Variants in PPP1R9A observed in about 807,000 individuals in gnomAD.
PPP1R9A encodes the protein protein phosphatase 1 regulatory subunit 9A.
A neutral mutation model predicts 141.9 loss-of-function variants in PPP1R9A; 59 were observed. The observed-to-expected ratio is 0.42, with a 90% CI of 0.34 to 0.52. PPP1R9A has a LOEUF of 0.52. Among genes scored for constraint, PPP1R9A ranks in the 20% least tolerant of loss-of-function variants. The probability of loss-of-function intolerance (pLI) is 0.10; values close to 1 mark genes in which losing one functional copy is unlikely to be tolerated. For synonymous variants in PPP1R9A, 500 were observed against 569.7 expected, an observed-to-expected ratio of 0.88 and a Z score of 1.74; for missense variants, 1,444 against 1,611.9, an observed-to-expected ratio of 0.90 and a Z score of 1.78.
intron 9 of PPP1R9A, among the ~76,000 whole-genome samples, chr7:95,248,829 T>TTGG (rs1159372413): frequency 6.6e-6 from 1 of 152,212 alleles, no homozygotes; most frequent in Admixed American, 6.5e-5. Flanking sequence ...GACATTGTTT[T>TTGG]GGATGCTTTC....
At chr7:94,995,605 A>G (rs568416136) in intron 2 of PPP1R9A, among the ~76,000 whole-genome samples, 1 of 151,920 alleles carries the variant, frequency 6.6e-6, no homozygotes, top group African/African-American at 2.4e-5. Context: ...CTTATTCAGC[A>G]TATTTTTTAT....
At chr7:95,116,166 A>G (rs961733535) in intron 3 of PPP1R9A, among the ~76,000 whole-genome samples, 5 of 152,164 alleles carry the variant, frequency 3.3e-5, no homozygotes, top group Admixed American at 6.5e-5. Context: ...ATAAATTTAC[A>G]ATACCTACAG....
intron 19 of PPP1R9A, 117 bp from the exon 20 acceptor site, chr7:95,289,974 C>T (rs1806104557): frequency 6.8e-7 from 1 of 1,466,610 alleles, no homozygotes; most frequent in African/African-American, 1.4e-5. Flanking sequence ...AGTTCTTCCT[C>T]TGTTCTTACC....
chr7:95,273,923 T>G lies in PPP1R9A; in HGVS notation c.3149T>G (p.Leu1050Arg). 1 of 1,504,664 alleles carries G rather than the reference T, an allele frequency of 6.6e-7. No homozygotes were observed. The highest frequency in any genetic ancestry group is 9.1e-7 in the Non-Finnish European group (1 of 1,095,092). The allele number at this position is 1,504,664 out of a possible 1,614,324, so 93.2% of individuals were successfully genotyped here. The part of the protein sequence containing the change: ...EKDDAKDPKS[L>R]RASSSLAVQG... ...GATGATGCCAAAGATCCCAAATCACTAAGGGCATCCAGTTCATTGGCGGTG... is the reference window on the plus strand; with the variant it reads ...GATGATGCCAAAGATCCCAAATCACGAAGGGCATCCAGTTCATTGGCGGTG... The change falls in exon 15 of 20, where the codon CTA becomes CGA. Residue 1050 changes from leucine (L) to arginine (R), a missense_variant. Around this residue, in one of 5 missense-constraint regions of PPP1R9A, gnomAD observed 459 missense variants for 513.8 expected, o/e 0.89. Coordinates refer to ENST00000433360, the MANE Select transcript of PPP1R9A (RefSeq NM_001166160.2).
intron 18 of PPP1R9A, chr7:95,287,010 G>A: frequency 7.8e-7 from 1 of 1,280,156 alleles, no homozygotes; most frequent in Non-Finnish European, 1.1e-6. Flanking sequence ...CTTCAAGCTT[G>A]GTGCAATTTT....
chr7:95,135,254 T>C (rs554881193), intron 4 of PPP1R9A, among the ~76,000 whole-genome samples: 40 of 152,352 alleles, frequency 2.6e-4, no homozygotes, highest in Middle Eastern at 6.8e-3. Flanking sequence ...TCATGTCTTA[T>C]TTAAATTTGT....
intron 8 of PPP1R9A, among the ~76,000 whole-genome samples, chr7:95,241,204 T>C (rs1009051119): frequency 6.6e-6 from 1 of 152,164 alleles, no homozygotes; most frequent in Non-Finnish European, 1.5e-5. Flanking sequence ...TCTATATAGG[T>C]CTGCAGCTGA....
intron 2 of PPP1R9A, among the ~76,000 whole-genome samples, chr7:95,010,240 A>G (rs1385575888): frequency 1.3e-5 from 2 of 152,032 alleles, no homozygotes; most frequent in Admixed American, 1.3e-4. Context: ...AATAATGATA[A>G]TAATAATAAT....
chr7:94,911,207 C>G lies in PPP1R9A; in HGVS notation c.1094C>G (p.Ala365Gly), dbSNP rs759730650. The G allele has an allele frequency of 5.0e-6, 8 of 1,614,052 alleles. No homozygotes were observed. Among genetic ancestry groups the G allele is most frequent in the Non-Finnish European group, 6.8e-6 (8 of 1,180,044 alleles). ...EAAKQQRKEL[A>G]GGDFTSPDAS... is the part of the protein sequence containing the mutation. ...GCAAAGCAACAGAGGAAAGAACTTG[C>G]AGGTGGTGATTTCACCTCTCCTGAT... Residue 365 changes from alanine (A) to glycine (G), a missense_variant, in exon 2 of 20, where the codon GCA (alanine) becomes GGA (glycine). Coordinates refer to ENST00000433360, the MANE Select transcript of PPP1R9A (RefSeq NM_001166160.2).
At chr7:94,989,770 A>T (rs541093969) in intron 2 of PPP1R9A, among the ~76,000 whole-genome samples, 32 of 152,252 alleles carry the variant, frequency 2.1e-4, no homozygotes, top group Admixed American at 9.8e-4. Flanking sequence ...TTCTTATACA[A>T]CTTATTTCTT....
At chr7:94,971,701 C>T (rs1252690910) in intron 2 of PPP1R9A, among the ~76,000 whole-genome samples, 1 of 152,086 alleles carries the variant, frequency 6.6e-6, no homozygotes, top group East Asian at 1.9e-4. Context: ...GAGAAGCAAA[C>T]AAAGCAATAA....
intron 2 of PPP1R9A, among the ~76,000 whole-genome samples, chr7:94,984,090 A>G (rs1411230016): frequency 2.0e-5 from 3 of 152,178 alleles, no homozygotes; most frequent in African/African-American, 7.2e-5. Flanking sequence ...TGAGATAATC[A>G]TGTGGTTTTT....
rs550711430 is a variant in PPP1R9A, at chr7:95,087,667, C to T, written c.1396-23592C>T. On this transcript the variant is annotated intron_variant, in intron 2 of 19. Transcript: ENST00000433360. ...ATCCCAGCACTTTGGGAGGTCGAGGCGAGTAGATCACGAGGTCAGGAGTTC... is the reference window on the plus strand; with the variant it reads ...ATCCCAGCACTTTGGGAGGTCGAGGTGAGTAGATCACGAGGTCAGGAGTTC... Among the ~76,000 whole-genome samples the T allele has an allele frequency of 1.3e-4, 20 of 152,058 alleles. 1 individual carries two copies. The highest frequency in any genetic ancestry group is 5.8e-4 in the East Asian group (3 of 5,178).
At chr7:94,980,780 C>T (rs1198532774) in intron 2 of PPP1R9A, among the ~76,000 whole-genome samples, 2 of 152,012 alleles carry the variant, frequency 1.3e-5, no homozygotes, top group Non-Finnish European at 2.9e-5. Context: ...GATCTGGGTT[C>T]TTATGAGAAG....
chr7:95,053,364 C>G (rs1032109589), intron 2 of PPP1R9A, among the ~76,000 whole-genome samples: 1 of 152,134 alleles, frequency 6.6e-6, no homozygotes, highest in Non-Finnish European at 1.5e-5. Flanking sequence ...GAATGTGGAA[C>G]TTGAACCTCA....
intron 2 of PPP1R9A, among the ~76,000 whole-genome samples, chr7:95,073,702 A>G (rs919650697): frequency 6.8e-6 from 1 of 147,220 alleles, no homozygotes; most frequent in African/African-American, 2.5e-5. Flanking sequence ...AATCTTCTAG[A>G]AATTTTAGAT....
At chr7:95,169,525 G>A (rs979786945) in intron 5 of PPP1R9A, among the ~76,000 whole-genome samples, 1 of 151,860 alleles carries the variant, frequency 6.6e-6, no homozygotes, top group Admixed American at 6.6e-5. Flanking sequence ...AGCTAGAACA[G>A]AGCACTTGAA....
chr7:95,136,899 G>T (rs1170664913), intron 4 of PPP1R9A, among the ~76,000 whole-genome samples: 1 of 152,138 alleles, frequency 6.6e-6, no homozygotes, highest in Non-Finnish European at 1.5e-5. Context: ...CTGGTAATAT[G>T]TAATGTAAGT....
At chr7:95,015,227 TACACACACACACAC>T (rs71537250) in intron 2 of PPP1R9A, among the ~76,000 whole-genome samples, 2 of 148,992 alleles carry the variant, frequency 1.3e-5, no homozygotes, top group South Asian at 4.3e-4. Flanking sequence ...AATATATATA[TACACACACACACAC>T]ACACACATAC....
Sources: gnomAD v4.1 joint callset for allele counts (sites outside exome capture counted in the v4.1 genomes callset) on GRCh38, gnomAD v4.1.1 for gene constraint, gnomAD v4.1.1 regional missense constraint, MANE v1.5 for transcripts, NCBI Gene and HGNC (gene_info 2026-07-23, HGNC 2026-07-21) for gene names.